ACOXL: variants seen among roughly 807,000 people sequenced by gnomAD.
The protein encoded by ACOXL is acyl-coenzyme A oxidase-like protein.
In ACOXL, 70 loss-of-function variants were observed where a neutral mutation model predicts 71.9. The ratio of observed to expected loss-of-function variants is 0.97; its 90% CI spans 0.80 to 1.19. ACOXL has a LOEUF of 1.19. Ranked by LOEUF, ACOXL falls within the 50% of genes most tolerant of loss-of-function variation. The pLI is 0.00. For missense variants in ACOXL, 703 were observed against 736.3 expected (o/e 0.95, Z 0.52); for synonymous variants, 253 against 281.6 (o/e 0.90, Z 1.02).
intron 2 of ACOXL, among the ~76,000 whole-genome samples, chr2:110,778,368 T>C (rs960351074): frequency 5.3e-5 from 8 of 152,232 alleles, no homozygotes; most frequent in African/African-American, 1.4e-4. Flanking sequence ...ACATACACAA[T>C]TGCAAAATTC....
chr2:110,956,915 T>G (rs1156398317), intron 12 of ACOXL, among the ~76,000 whole-genome samples: 1 of 152,176 alleles, frequency 6.6e-6, no homozygotes, highest in East Asian at 1.9e-4. Flanking sequence ...CAATAGTTGC[T>G]AAGAGGCTCG....
chr2:111,091,918 C>A (rs753827850), intron 16 of ACOXL, among the ~76,000 whole-genome samples: 58 of 152,230 alleles, frequency 3.8e-4, no homozygotes, highest in Non-Finnish European at 8.2e-4. Flanking sequence ...GACTGTGAAC[C>A]ACATGACTTC....
intron 16 of ACOXL, among the ~76,000 whole-genome samples, chr2:111,052,862 T>C (rs2066361877): frequency 6.6e-6 from 1 of 151,962 alleles, no homozygotes; most frequent in Non-Finnish European, 1.5e-5. Context: ...ACCCCCCCAA[T>C]CTAGGAACTG....
chr2:111,006,557 CTT>C (rs376617252), intron 14 of ACOXL, among the ~76,000 whole-genome samples: 1 of 145,446 alleles, frequency 6.9e-6, no homozygotes. Context: ...GTGTTTCCCT[CTT>C]TTTTTTTTTT....
At chr2:111,032,435 A>G (rs2065321020) in intron 15 of ACOXL, among the ~76,000 whole-genome samples, 1 of 152,224 alleles carries the variant, frequency 6.6e-6, no homozygotes, top group South Asian at 2.1e-4. Flanking sequence ...GTCGACCAAA[A>G]TAGCAAAATA....
At chr2:110,851,538 C>T (rs901363702) in intron 10 of ACOXL, among the ~76,000 whole-genome samples, 5 of 152,220 alleles carry the variant, frequency 3.3e-5, no homozygotes, top group South Asian at 2.1e-4. Context: ...AGGCGTTCCA[C>T]GACAACACAG....
chr2:110,833,451 A>C (rs1441529106), intron 9 of ACOXL, among the ~76,000 whole-genome samples: 1 of 152,180 alleles, frequency 6.6e-6, no homozygotes, highest in Admixed American at 6.5e-5. Context: ...GTGTGGCTAC[A>C]CACGGTCACC....
At chr2:111,014,796 C>T (rs927606588) in intron 14 of ACOXL, among the ~76,000 whole-genome samples, 17 of 152,316 alleles carry the variant, frequency 1.1e-4, no homozygotes, top group African/African-American at 3.8e-4. Context: ...TGGAACACTA[C>T]AGAGTCCAGA....
intron 10 of ACOXL, among the ~76,000 whole-genome samples, chr2:110,854,591 A>G (rs990758831): frequency 5.9e-5 from 9 of 152,196 alleles, no homozygotes; most frequent in Non-Finnish European, 1.2e-4. Flanking sequence ...AGGGCAGGCC[A>G]TGCTCATGGA....
At chr2:111,006,356 T>G (rs1475280954) in intron 14 of ACOXL, among the ~76,000 whole-genome samples, 1 of 152,198 alleles carries the variant, frequency 6.6e-6, no homozygotes, top group East Asian at 1.9e-4. Flanking sequence ...GAAAGGACGA[T>G]GTCGTAGAAA....
At chr2:111,013,988 A>T (rs1379637447) in intron 14 of ACOXL, among the ~76,000 whole-genome samples, 3 of 152,262 alleles carry the variant, frequency 2.0e-5, no homozygotes, top group Non-Finnish European at 4.4e-5. Context: ...AGAGCATATG[A>T]TTATATTATG....
intron 15 of ACOXL, among the ~76,000 whole-genome samples, chr2:111,043,024 A>G (rs1384921912): frequency 6.6e-6 from 1 of 152,198 alleles, no homozygotes; most frequent in Non-Finnish European, 1.5e-5. Context: ...AGCAGAAAAC[A>G]TGTTGAGACT....
intron 1 of ACOXL, among the ~76,000 whole-genome samples, chr2:110,761,120 A>C (rs1680347852): frequency 6.6e-6 from 1 of 152,226 alleles, no homozygotes; most frequent in Non-Finnish European, 1.5e-5. Flanking sequence ...ATACCACCAG[A>C]ACAATATTCA....
chr2:110,770,470 A>G (rs1002982464), intron 2 of ACOXL, among the ~76,000 whole-genome samples: 4 of 152,196 alleles, frequency 2.6e-5, no homozygotes, highest in Admixed American at 1.3e-4. Context: ...CACGCTGACA[A>G]GGGCGCTGCA....
chr2:110,793,854 C>G, intron 4 of ACOXL, 118 bp downstream of exon 4: 1 of 990,854 alleles, frequency 1.0e-6, no homozygotes, highest in East Asian at 2.4e-5. Context: ...TTTGTATCAG[C>G]AAAAATCTTG....
rs376397723 is a variant in ACOXL, at chr2:110,922,598, A to G, written c.906-10891A>G. 2.0e-4 allele frequency among the ~76,000 whole-genome samples: 30 copies of G among 152,324 alleles called. 1 individual carries two copies. In the East Asian group the frequency reaches 5.0e-3, roughly 26 times the overall value. ...TATGATAAAAGTGTTATATGTATCA[A>G]CATGTTTCCTTTTTCTTCAGCTCTT... On this transcript the variant is annotated intron_variant, in intron 11 of 17. Transcript: ENST00000439055.
At chr2:110,751,237 C>A (rs1678915871) in intron 1 of ACOXL, among the ~76,000 whole-genome samples, 1 of 145,372 alleles carries the variant, frequency 6.9e-6, no homozygotes. Flanking sequence ...GGAGGCGGAG[C>A]TTGCAGTGAG....
chr2:110,886,380 CTTTTTTT>C (rs751607372), intron 10 of ACOXL, among the ~76,000 whole-genome samples: 2 of 131,494 alleles, frequency 1.5e-5, no homozygotes, highest in African/African-American at 5.7e-5. Context: ...CCTTCTTTTT[CTTTTTTT>C]TTTTTTTTTT....
intron 11 of ACOXL, among the ~76,000 whole-genome samples, chr2:110,917,358 A>G (rs919260016): frequency 6.6e-6 from 1 of 152,142 alleles, no homozygotes; most frequent in East Asian, 1.9e-4. Flanking sequence ...CAACACCCCT[A>G]CATGCTAAAT....
Sources: gnomAD v4.1 joint callset for allele counts (sites outside exome capture counted in the v4.1 genomes callset) on GRCh38, gnomAD v4.1.1 for gene constraint, MANE v1.5 for transcripts, NCBI Gene and HGNC (gene_info 2026-07-23, HGNC 2026-07-21) for gene names.